The following SMOC2 variants were observed in gnomAD, a reference collection of about 807,000 sequenced individuals.
The protein encoded by SMOC2 is SPARC related modular calcium binding 2, also known as SPARC-related modular calcium-binding protein 2.
Under a neutral mutation model 61.4 loss-of-function variants are expected in SMOC2, and 39 were observed. The observed-to-expected ratio is 0.64, with a 90% CI of 0.49 to 0.83. SMOC2 has a LOEUF of 0.83. Ranked by LOEUF, SMOC2 falls within the 40% of genes least tolerant of loss-of-function variation. The pLI, the probability that SMOC2 is intolerant of heterozygous loss-of-function variation, is 0.00. For synonymous variants in SMOC2, 247 were observed against 239.9 expected, an observed-to-expected ratio of 1.03 and a Z score of -0.27; for missense variants, 556 against 592.9, an observed-to-expected ratio of 0.94 and a Z score of 0.65.
chr6:168,647,599 C>T (rs916880977), intron 9 of SMOC2, among the ~76,000 whole-genome samples: 6 of 152,198 alleles, frequency 3.9e-5, no homozygotes, highest in East Asian at 1.9e-4. Context: ...GTTCTGGGGT[C>T]GTTTCTCTTT....
At chr6:168,578,732 A>T (rs1264372864) in intron 7 of SMOC2, among the ~76,000 whole-genome samples, 1 of 152,234 alleles carries the variant, frequency 6.6e-6, no homozygotes, top group Non-Finnish European at 1.5e-5. Context: ...TTCTAACCTC[A>T]TGTCATGAAT....
intron 1 of SMOC2, among the ~76,000 whole-genome samples, chr6:168,461,447 C>A (rs1411171013): frequency 1.3e-5 from 2 of 152,104 alleles, no homozygotes; most frequent in Non-Finnish European, 2.9e-5. Flanking sequence ...AATTTTGTTA[C>A]AAATTTTTAG....
intron 7 of SMOC2, among the ~76,000 whole-genome samples, chr6:168,579,842 G>A (rs1784883787): frequency 6.6e-6 from 1 of 152,172 alleles, no homozygotes; most frequent in South Asian, 2.1e-4. Flanking sequence ...ATGAGTCTAA[G>A]GAGAGAATGG....
At chr6:168,498,088 A>AGC (rs746011775) in intron 1 of SMOC2, among the ~76,000 whole-genome samples, 2 of 152,188 alleles carry the variant, frequency 1.3e-5, no homozygotes, top group Non-Finnish European at 2.9e-5. Context: ...CCTCTCGGAC[A>AGC]TATTGTTTCC....
intron 9 of SMOC2, among the ~76,000 whole-genome samples, chr6:168,635,585 C>A (rs1453988831): frequency 6.6e-6 from 1 of 152,174 alleles, no homozygotes; most frequent in Non-Finnish European, 1.5e-5. Context: ...CAAAAGTTTA[C>A]TGGGGCTGGG....
chr6:168,447,616 C>G (rs1016173909), intron 1 of SMOC2, among the ~76,000 whole-genome samples: 1 of 152,122 alleles, frequency 6.6e-6, no homozygotes, highest in East Asian at 1.9e-4. Context: ...GGTAGGCAAA[C>G]TCTTAACATT....
chr6:168,559,463 A>G (rs1451456721), intron 7 of SMOC2, among the ~76,000 whole-genome samples: 1 of 138,914 alleles, frequency 7.2e-6, no homozygotes, highest in Non-Finnish European at 1.6e-5. Flanking sequence ...TCAAAAAAAT[A>G]AAAATAAAAA....
At chr6:168,514,909 C>G (rs1163537739) in intron 2 of SMOC2, among the ~76,000 whole-genome samples, 1 of 152,128 alleles carries the variant, frequency 6.6e-6, no homozygotes, top group Non-Finnish European at 1.5e-5. Flanking sequence ...GGTGGAAGCT[C>G]GACACCTGTG....
intron 9 of SMOC2, among the ~76,000 whole-genome samples, chr6:168,614,146 G>A (rs1458865341): frequency 7.3e-5 from 5 of 68,048 alleles, no homozygotes; most frequent in African/African-American, 1.3e-4. Flanking sequence ...CAGCACAGGG[G>A]GCCTCTTCAC....
chr6:168,566,931 A>G (rs1305046789), intron 7 of SMOC2, among the ~76,000 whole-genome samples: 1 of 152,216 alleles, frequency 6.6e-6, no homozygotes, highest in Non-Finnish European at 1.5e-5. Flanking sequence ...AGACAGAATG[A>G]TACACGGAAA....
At chr6:168,564,824 G>T (rs889371225) in intron 7 of SMOC2, among the ~76,000 whole-genome samples, 2 of 152,348 alleles carry the variant, frequency 1.3e-5, no homozygotes, top group South Asian at 2.1e-4. Flanking sequence ...AAGGCAGCGG[G>T]TCTCACTGCT....
chr6:168,656,026 A>G (rs181818688), intron 11 of SMOC2, among the ~76,000 whole-genome samples: 2 of 152,348 alleles, frequency 1.3e-5, no homozygotes, highest in East Asian at 3.9e-4. Flanking sequence ...CTCATTCCAC[A>G]TGTGCATTAG....
In SMOC2 at chr6:168,523,079, A is replaced by ATTTTTTTTTTTTTTT. The variant is rs1554287070; in HGVS notation, c.257-3261_257-3247dup. ...TTATGTTATTTGTAGTTGTACAGTA[A>ATTTTTTTTTTTTTTT]TTTTTTTTTTTTTTTTTTTTGAGAC... On this transcript the variant is annotated intron_variant, in intron 2 of 12. Coordinates refer to ENST00000356284, the MANE Select transcript of SMOC2 (RefSeq NM_001166412.2). Among the ~76,000 whole-genome samples the ATTTTTTTTTTTTTTT allele has an allele frequency of 1.3e-4, 12 of 93,690 alleles. 1 individual carries two copies. Among genetic ancestry groups the ATTTTTTTTTTTTTTT allele is most frequent in the African/African-American group, 2.3e-4 (7 of 30,140 alleles). The allele number at this position is 93,690 out of a possible 152,430, so 61.5% of individuals were successfully genotyped here.
At chr6:168,489,227 C>T (rs1208245729) in intron 1 of SMOC2, among the ~76,000 whole-genome samples, 2 of 150,976 alleles carry the variant, frequency 1.3e-5, no homozygotes, top group African/African-American at 4.9e-5. Flanking sequence ...CGTCTGGGTC[C>T]TCTTGGATCA....
chr6:168,527,787 C>A, intron 4 of SMOC2, 60 bp downstream of exon 4: 5 of 1,139,158 alleles, frequency 4.4e-6, no homozygotes, highest in South Asian at 1.3e-5. Context: ...GCCGTTTCTT[C>A]TCATCATCTT....
chr6:168,467,829 T>G (rs1402710452), intron 1 of SMOC2, among the ~76,000 whole-genome samples: 1 of 152,212 alleles, frequency 6.6e-6, no homozygotes, highest in African/African-American at 2.4e-5. Context: ...TTCCTGTTGA[T>G]CAATGATTAT....
chr6:168,558,282 G>C (rs547555319), intron 7 of SMOC2, among the ~76,000 whole-genome samples: 31 of 152,286 alleles, frequency 2.0e-4, no homozygotes, highest in African/African-American at 7.2e-4. Flanking sequence ...ACGGGAGAGT[G>C]GTTGGTGTCA....
At chr6:168,457,117 C>T (rs751752124) in intron 1 of SMOC2, among the ~76,000 whole-genome samples, 7 of 152,196 alleles carry the variant, frequency 4.6e-5, no homozygotes, top group Admixed American at 6.5e-5. Context: ...TCAGGCACAG[C>T]GCGGCCGCCA....
intron 1 of SMOC2, among the ~76,000 whole-genome samples, chr6:168,472,971 C>T (rs917847178): frequency 4.6e-5 from 7 of 151,996 alleles, no homozygotes; most frequent in South Asian, 2.1e-4. Flanking sequence ...GCTACAGCAC[C>T]GGGGAAGGCT....
Sources: gnomAD v4.1 joint callset for allele counts (sites outside exome capture counted in the v4.1 genomes callset) on GRCh38, gnomAD v4.1.1 for gene constraint, MANE v1.5 for transcripts, NCBI Gene and HGNC (gene_info 2026-07-23, HGNC 2026-07-21) for gene names.